DENND10: variants seen among roughly 807,000 people sequenced by gnomAD.
DENND10 encodes the protein DENN domain containing 10.
DENND10 carries 24 observed loss-of-function variants against 43.6 expected under a neutral mutation model. The ratio of observed to expected loss-of-function variants is 0.55; its 90% CI spans 0.40 to 0.77. The LOEUF is 0.77. Among genes scored for constraint, DENND10 ranks in the 30% least tolerant of loss-of-function variants. The pLI is 0.00. For synonymous variants in DENND10, 125 were observed against 157.6 expected (o/e 0.79, Z 1.55); for missense variants, 303 against 429.9 (o/e 0.70, Z 2.61).
At chr10:119,124,352 CG>C (rs1564794109) in intron 6 of DENND10, among the ~76,000 whole-genome samples, 1 of 135,530 alleles carries the variant, frequency 7.4e-6, no homozygotes, top group East Asian at 2.2e-4. Flanking sequence ...ATGGGGAAAC[CG>C]TATCTCTACT....
chr10:119,123,428 G>A, intron 5 of DENND10, 41 bp from the exon 6 acceptor site: 1 of 1,455,494 alleles, frequency 6.9e-7, no homozygotes, highest in Non-Finnish European at 9.6e-7. Flanking sequence ...TCTTTAAGGT[G>A]TGGACCAGCA....
At chr10:119,131,412 C>T (rs538356537) in intron 7 of DENND10, among the ~76,000 whole-genome samples, 4 of 152,120 alleles carry the variant, frequency 2.6e-5, no homozygotes, top group South Asian at 2.1e-4. Flanking sequence ...GAGCCGAGAT[C>T]GCGCCACTGC....
At chr10:119,136,090 A>C (rs1477913805) in intron 8 of DENND10, among the ~76,000 whole-genome samples, 2 of 152,282 alleles carry the variant, frequency 1.3e-5, no homozygotes, top group East Asian at 3.9e-4. Context: ...AGGTGGGTAG[A>C]TCACTTGAGC....
intron 5 of DENND10, among the ~76,000 whole-genome samples, chr10:119,122,670 C>T (rs1164698285): frequency 1.3e-5 from 2 of 152,132 alleles, no homozygotes; most frequent in African/African-American, 2.4e-5. Flanking sequence ...TTTGATACAT[C>T]TTGTTGCAGT....
At position 119,115,382 on chromosome 10, in the gene DENND10, A is replaced by ATTTTTTTTTTTTTTTTTTTTT. The variant is rs397845392; in HGVS notation, c.333-2134_333-2114dup. Among the ~76,000 whole-genome samples the ATTTTTTTTTTTTTTTTTTTTT allele has an allele frequency of 5.0e-4, 24 of 48,418 alleles. 7 individuals are homozygous for ATTTTTTTTTTTTTTTTTTTTT. The highest frequency in any genetic ancestry group is 2.7e-3 in the South Asian group (2 of 744). 31.8% of individuals were successfully genotyped at this position (48,418 alleles called of 152,430 possible). On this transcript the variant is annotated intron_variant, in intron 3 of 8. Transcript: ENST00000361432. ...CGTCAAGTTGTGAATTGAATTGGTA[A>ATTTTTTTTTTTTTTTTTTTTT]TTTTTTTTTTTTTTTTTTTTTTTGA... is the stretch of plus-strand genomic sequence containing the variant.
intron 3 of DENND10, among the ~76,000 whole-genome samples, chr10:119,112,945 GT>G (rs1845048386): frequency 6.6e-6 from 1 of 151,860 alleles, no homozygotes; most frequent in Non-Finnish European, 1.5e-5. Context: ...TGCCTCCTGG[GT>G]TCAAGCGATT....
At chr10:119,104,299 C>G in intron 1 of DENND10, 102 bp downstream of exon 1, 1 of 1,159,752 alleles carries the variant, frequency 8.6e-7, no homozygotes, top group Non-Finnish European at 1.2e-6. Context: ...CGGCGCCGAC[C>G]GCATGAGGAG....
intron 7 of DENND10, among the ~76,000 whole-genome samples, chr10:119,130,247 G>A (rs1185842482): frequency 2.0e-5 from 3 of 151,798 alleles, no homozygotes; most frequent in Admixed American, 6.6e-5. Flanking sequence ...TGCAACCTCC[G>A]CCTCCCAGGT....
At chr10:119,128,594 C>A (rs567161894) in intron 6 of DENND10, among the ~76,000 whole-genome samples, 1 of 132,624 alleles carries the variant, frequency 7.5e-6, no homozygotes, top group Non-Finnish European at 1.6e-5. Flanking sequence ...GGTGACAGAG[C>A]GAGACTGTCT....
chr10:119,120,113 T>C (rs556696243), intron 4 of DENND10, among the ~76,000 whole-genome samples: 39 of 151,480 alleles, frequency 2.6e-4, no homozygotes, highest in African/African-American at 9.4e-4. Context: ...CCAGGTGTGG[T>C]GGTGTGTGCC....
chr10:119,119,394 G>A (rs1054171951), intron 4 of DENND10, among the ~76,000 whole-genome samples: 1 of 152,100 alleles, frequency 6.6e-6, no homozygotes, highest in South Asian at 2.1e-4. Context: ...CACCCGCCTC[G>A]GCCTCCCAAA....
At chr10:119,111,048 G>A (rs1020377316) in intron 2 of DENND10, among the ~76,000 whole-genome samples, 3 of 151,852 alleles carry the variant, frequency 2.0e-5, no homozygotes, top group Non-Finnish European at 4.4e-5. Context: ...ATCATTTGAG[G>A]CCAGGAGTTC....
At chr10:119,118,534 C>A (rs1845404380) in intron 4 of DENND10, among the ~76,000 whole-genome samples, 1 of 152,342 alleles carries the variant, frequency 6.6e-6, no homozygotes, top group African/African-American at 2.4e-5. Context: ...CATGTCCTCC[C>A]ATGGTGCCCA....
intron 3 of DENND10, among the ~76,000 whole-genome samples, chr10:119,113,739 C>T (rs1235064084): frequency 6.6e-6 from 1 of 150,476 alleles, no homozygotes; most frequent in African/African-American, 2.4e-5. Flanking sequence ...CTTCTCATTA[C>T]CTAAGGGTTT....
At chr10:119,120,596 A>G in intron 5 of DENND10, 144 bp downstream of exon 5, 1 of 634,866 alleles carries the variant, frequency 1.6e-6, no homozygotes, top group Non-Finnish European at 2.9e-6. Flanking sequence ...GTTTCTGTTT[A>G]GCTCTAGTAG....
chr10:119,124,742 G>A (rs1448067376), intron 6 of DENND10, among the ~76,000 whole-genome samples: 1 of 151,880 alleles, frequency 6.6e-6, no homozygotes, highest in African/African-American at 2.4e-5. Flanking sequence ...GTACATTCAC[G>A]TTGTTGTTCA....
At chr10:119,114,660 G>C (rs969664209) in intron 3 of DENND10, 22 of 152,330 alleles carry the variant, frequency 1.4e-4, no homozygotes, top group African/African-American at 5.3e-4. Flanking sequence ...GTTTTGGGGG[G>C]ATTTCCCCCT....
intron 6 of DENND10, among the ~76,000 whole-genome samples, chr10:119,126,692 T>C (rs534395201): frequency 3.6e-4 from 55 of 152,206 alleles, no homozygotes; most frequent in African/African-American, 1.2e-3. Flanking sequence ...CTCGAACTCC[T>C]GACCTCAGAT....
intron 1 of DENND10, 125 bp downstream of exon 1, chr10:119,104,322 T>C (rs1194427644): frequency 3.4e-6 from 3 of 882,904 alleles, no homozygotes; most frequent in Non-Finnish European, 5.0e-6. Context: ...CGCGGCCCCC[T>C]CCCTGTTGGG....
Sources: allele counts gnomAD v4.1 joint callset (sites outside exome capture counted in the v4.1 genomes callset), GRCh38; gene constraint gnomAD v4.1.1; transcripts MANE v1.5; gene names NCBI Gene and HGNC (gene_info 2026-07-23, HGNC 2026-07-21).